Variants in FICD observed in about 807,000 individuals in gnomAD.
FICD encodes FIC domain protein adenylyltransferase.
In FICD, 13 loss-of-function variants were observed where a neutral mutation model predicts 28.0. The observed-to-expected ratio is 0.46, with a 90% CI of 0.30 to 0.74. The LOEUF (loss-of-function observed/expected upper bound fraction) is 0.74, where lower values mean the gene tolerates loss of function less well. FICD is among the 30% of genes least tolerant of loss of function. FICD has a pLI of 0.07. For missense variants in FICD, 576 were observed against 624.5 expected (o/e 0.92, Z 0.83); for synonymous variants, 268 against 266.4 (o/e 1.01, Z -0.06).
At position 108,518,750 on chromosome 12, in the gene FICD, G is replaced by T. The variant is rs372982792; in HGVS notation, c.652G>T (p.Val218Phe). 2 of 1,614,092 alleles carry T rather than the reference G, an allele frequency of 1.2e-6. No individual in the cohort carries two copies. The highest frequency in any genetic ancestry group is 2.7e-5 in the African/African-American group (2 of 74,922). Residue 218 changes from valine to phenylalanine, a missense_variant, in exon 3 of 3, where the codon GTC becomes TTC. By Grantham distance (50) the Val-to-Phe change is conservative. Transcript: ENST00000552695. This position sits in a 1 kb window ranked among gnomAD's most constrained non-coding sequence, Gnocchi z 4.4. ...IPKGNSALRR[V>F]MEETYYHHIY... is the part of the protein sequence containing the mutation. ...CAAGGGGAACTCAGCTCTGCGCAGG[G>T]TCATGGAGGAGACCTACTACCATCA...
At position 108,517,003 on chromosome 12, in the gene FICD, G is replaced by C; in HGVS notation, c.31G>C (p.Ala11Pro). The change falls in exon 2 of 3, where the codon GCG (alanine) becomes CCG (proline). Residue 11 changes from alanine (A) to proline (P), a missense_variant. Coordinates refer to ENST00000552695, the MANE Select transcript of FICD (RefSeq NM_007076.3). MMLIPMASVM[A>P]VTEPKWVSVW... Reference sequence around the variant, plus strand: ...GCTCATACCAATGGCTTCAGTGATGGCGGTGACTGAACCGAAATGGGTCTC... The same window carrying C: ...GCTCATACCAATGGCTTCAGTGATGCCGGTGACTGAACCGAAATGGGTCTC... 1 of 1,542,902 alleles carries C rather than the reference G, an allele frequency of 6.5e-7. No individual in the cohort carries two copies. Among genetic ancestry groups the C allele is most frequent in the Non-Finnish European group, 8.8e-7 (1 of 1,138,378 alleles).
At position 108,517,054 on chromosome 12, in the gene FICD, A is replaced by G. The variant is rs1359711725; in HGVS notation, c.82A>G (p.Thr28Ala). 1 of 1,596,140 alleles carries G rather than the reference A, an allele frequency of 6.3e-7. No individual in the cohort carries two copies. The highest frequency in any genetic ancestry group is 2.3e-5 in the East Asian group (1 of 44,340). Residue 28 changes from threonine (T) to alanine (A), a missense_variant, in exon 2 of 3, where the codon ACG (threonine) becomes GCG (alanine). By Grantham distance (58) the Thr-to-Ala change is moderately conservative. Coordinates refer to ENST00000552695, the MANE Select transcript of FICD (RefSeq NM_007076.3). ...GGTCTGGAGCCGCTTCCTCTGGGTG[A>G]CGCTGCTGAGCATGGTGCTGGGGTC... The part of the protein sequence containing the change: ...VSVWSRFLWV[T>A]LLSMVLGSLL...
chr12:108,517,673 GC>G (rs886660657), intron 2 of FICD, among the ~76,000 whole-genome samples: 1 of 152,164 alleles, frequency 6.6e-6, no homozygotes, highest in African/African-American at 2.4e-5. Flanking sequence ...TCCTCAGGTG[GC>G]CAAGAGGGGC....
In FICD at chr12:108,520,087, G is replaced by GGT. The variant is rs1555203675; in HGVS notation, c.*612_*613insGT. ...TTTGCAAACTTTAGTGCCAGCAGCT[G>GGT]TTTTTTTTTTTTTTTTTTTCATATT... is the stretch of plus-strand genomic sequence containing the variant. On this transcript the variant is annotated 3_prime_UTR_variant, in exon 3 of 3. Transcript: ENST00000552695. 1.8e-5 allele frequency: 2 copies of GGT among 114,166 alleles called. No individual in the cohort carries two copies. Among genetic ancestry groups the GGT allele is most frequent in the African/African-American group, 3.4e-5 (1 of 29,078 alleles). 7.1% of individuals were successfully genotyped at this position (114,166 alleles called of 1,614,324 possible).
chr12:108,517,182 T>C lies in FICD; in HGVS notation c.210T>C (p.His70=). The change falls in exon 2 of 3, where the codon CAT becomes CAC. Residue 70 remains histidine (H), a synonymous_variant. Transcript: ENST00000552695. ...GGAGCAAACCGGACAGGGCGCAGCA[T>C]GCCGCCACCAAGTGCACCAGCCCGT... The part of the protein sequence containing the change: ...LLRSKPDRAQ[H]AATKCTSPST... 6.3e-7 allele frequency: 1 copy of C among 1,597,370 alleles called. No homozygotes were observed. Among genetic ancestry groups the C allele is most frequent in the Non-Finnish European group, 8.5e-7 (1 of 1,171,122 alleles).
intron 1 of FICD, among the ~76,000 whole-genome samples, chr12:108,515,628 C>T (rs887119303): frequency 6.6e-6 from 1 of 152,134 alleles, no homozygotes; most frequent in East Asian, 1.9e-4. Flanking sequence ...CGCCCAGGAG[C>T]CTGTCCCCTC....
chr12:108,518,328 G>C lies in FICD; in HGVS notation c.302-72G>C. ...ATGGTTTCCTGCGGAGACCAGCACA[G>C]GGGACAGCCCCCCGAATGTCCTCTG... On this transcript the variant is annotated intron_variant, in intron 2 of 2. Coordinates refer to ENST00000552695, the MANE Select transcript of FICD (RefSeq NM_007076.3). This position sits in a 1 kb window ranked among gnomAD's most constrained non-coding sequence, Gnocchi z 4.4. 1 of 1,318,256 alleles carries C rather than the reference G, an allele frequency of 7.6e-7. No homozygotes were observed. 81.7% of individuals were successfully genotyped at this position (1,318,256 alleles called of 1,614,324 possible).
rs558824331 is a variant in FICD, at chr12:108,519,804, T to TC, written c.*329_*330insC. On this transcript the variant is annotated 3_prime_UTR_variant, in exon 3 of 3. Coordinates refer to ENST00000552695, the MANE Select transcript of FICD (RefSeq NM_007076.3). The surrounding 1 kb of genome is among the most constrained non-coding windows in gnomAD (Gnocchi z 4.5). The stretch of plus-strand genomic sequence containing the variant: ...TTCTGGAGCAGAATTTGCACTAAGG[T>TC]GGAGGAGCGGCCAAGAGGTGTGGGA... 1,276 of 208,178 alleles carry TC rather than the reference T, an allele frequency of 6.1e-3. 6 individuals are homozygous for TC. Among genetic ancestry groups the TC allele is most frequent in the Middle Eastern group, 0.015 (8 of 532 alleles). 12.9% of individuals were successfully genotyped at this position (208,178 alleles called of 1,614,324 possible).
chr12:108,516,227 G>A (rs929427686), intron 1 of FICD, among the ~76,000 whole-genome samples: 1 of 152,166 alleles, frequency 6.6e-6, no homozygotes, highest in East Asian at 1.9e-4. Flanking sequence ...TCTTGATGGG[G>A]TCCCTTCTGG....
At chr12:108,517,712 G>A (rs148255681) in intron 2 of FICD, among the ~76,000 whole-genome samples, 61 of 152,274 alleles carry the variant, frequency 4.0e-4, no homozygotes, top group African/African-American at 1.5e-3. Flanking sequence ...GGCTAGAGCA[G>A]GCTCCCCACC....
At chr12:108,517,931 C>T (rs1271714534) in intron 2 of FICD, among the ~76,000 whole-genome samples, 5 of 152,132 alleles carry the variant, frequency 3.3e-5, no homozygotes, top group African/African-American at 4.8e-5. Flanking sequence ...GGATGGTTGA[C>T]GCCCCCAGGG....
rs369745342 is a variant in FICD, at chr12:108,519,259, G to A, written c.1161G>A (p.Pro387=). ...TCATCCTCATGCAGGCGGGCTACCC[G>A]CCCATCACCATCCGCAAGGAGCAGC... ...MNLILMQAGY[P]PITIRKEQRS... The change falls in exon 3 of 3, where the codon CCG becomes CCA. Residue 387 remains proline, a synonymous_variant. Coordinates refer to ENST00000552695, the MANE Select transcript of FICD (RefSeq NM_007076.3). The surrounding 1 kb of genome is among the most constrained non-coding windows in gnomAD (Gnocchi z 4.5). 1.6e-5 allele frequency: 26 copies of A among 1,614,072 alleles called. No individual in the cohort carries two copies. The highest frequency in any genetic ancestry group is 4.5e-5 in the East Asian group (2 of 44,892).
At position 108,518,464 on chromosome 12, in the gene FICD, G is replaced by A. The variant is rs1295221453; in HGVS notation, c.366G>A (p.Arg122=). The change falls in exon 3 of 3, where the codon CGG becomes CGA. Residue 122 remains arginine (R), a synonymous_variant. Transcript: ENST00000552695. This position sits in a 1 kb window ranked among gnomAD's most constrained non-coding sequence, Gnocchi z 4.4. The part of the protein sequence containing the change: ...QALEMKRQGK[R]EKAQKLFMHA... Reference sequence around the variant, plus strand: ...TGGAGATGAAGCGCCAGGGCAAGCGGGAAAAAGCCCAAAAGCTCTTCATGC... The same window carrying A: ...TGGAGATGAAGCGCCAGGGCAAGCGAGAAAAAGCCCAAAAGCTCTTCATGC... The A allele has an allele frequency of 6.2e-7, 1 of 1,614,026 alleles. No individual in the cohort carries two copies. The highest frequency in any genetic ancestry group is 1.3e-5 in the African/African-American group (1 of 74,910).
intron 2 of FICD, 111 bp downstream of exon 2, chr12:108,517,384 A>G (rs1871942839): frequency 1.2e-6 from 1 of 853,464 alleles, no homozygotes; most frequent in Admixed American, 3.5e-5. Flanking sequence ...GTCAGCCCTG[A>G]GCTCCTAGTA....
rs987497455 is a variant in FICD, at chr12:108,520,836, T to C, written c.*1361T>C. The C allele has an allele frequency of 5.3e-5, 8 of 152,246 alleles. No individual in the cohort carries two copies. Among genetic ancestry groups the C allele is most frequent in the African/African-American group, 1.4e-4 (6 of 41,468 alleles). 9.4% of individuals were successfully genotyped at this position (152,246 alleles called of 1,614,324 possible). A position where few individuals can be genotyped will look rare whatever the true frequency, so the allele number is the denominator to read the frequency against. Reference sequence around the variant, plus strand: ...GTGATGGCGAATACGCAGTGTTGTCTCTTTGATTTGGTAATTCCGTTCCTG... The same window carrying C: ...GTGATGGCGAATACGCAGTGTTGTCCCTTTGATTTGGTAATTCCGTTCCTG... On this transcript the variant is annotated 3_prime_UTR_variant, in exon 3 of 3. Transcript: ENST00000552695.
intron 2 of FICD, among the ~76,000 whole-genome samples, chr12:108,517,802 C>T (rs1001684486): frequency 2.6e-5 from 4 of 152,116 alleles, no homozygotes; most frequent in Admixed American, 6.5e-5. Flanking sequence ...CATGAGATGC[C>T]TGTAGCACTC....
chr12:108,518,206 C>T lies in FICD; in HGVS notation c.302-194C>T. On this transcript the variant is annotated intron_variant, in intron 2 of 2. Coordinates refer to ENST00000552695, the MANE Select transcript of FICD (RefSeq NM_007076.3). This position sits in a 1 kb window ranked among gnomAD's most constrained non-coding sequence, Gnocchi z 4.4. ...ACACACGGATAGTGACTGCATACCA[C>T]CACACGGCTGGGGCAACAGAGTGGT... The T allele has an allele frequency of 1.4e-6, 1 of 704,396 alleles. No homozygotes were observed. Among genetic ancestry groups the T allele is most frequent in the Non-Finnish European group, 2.6e-6 (1 of 386,258 alleles). 43.6% of individuals were successfully genotyped at this position (704,396 alleles called of 1,614,324 possible).
intron 1 of FICD, among the ~76,000 whole-genome samples, chr12:108,516,021 G>A (rs1250489139): frequency 6.6e-6 from 1 of 152,188 alleles, no homozygotes; most frequent in Non-Finnish European, 1.5e-5. Context: ...GAGGCAATGC[G>A]TGGCCAGTAC....
In FICD at chr12:108,518,476, A is replaced by G. The variant is rs1871979589; in HGVS notation, c.378A>G (p.Gln126=). ...MKRQGKREKA[Q]KLFMHALKMD... is the part of the protein sequence containing the mutation. Reference sequence around the variant, plus strand: ...GCCAGGGCAAGCGGGAAAAAGCCCAAAAGCTCTTCATGCACGCCCTCAAGA... The same window carrying G: ...GCCAGGGCAAGCGGGAAAAAGCCCAGAAGCTCTTCATGCACGCCCTCAAGA... Residue 126 remains glutamine (Q), a synonymous_variant, in exon 3 of 3, where the codon CAA becomes CAG. Transcript: ENST00000552695. This position sits in a 1 kb window ranked among gnomAD's most constrained non-coding sequence, Gnocchi z 4.4. 1 of 1,614,044 alleles carries G rather than the reference A, an allele frequency of 6.2e-7. No homozygotes were observed. Among genetic ancestry groups the G allele is most frequent in the African/African-American group, 1.3e-5 (1 of 74,912 alleles).
Sources: gnomAD v4.1 joint callset for allele counts (sites outside exome capture counted in the v4.1 genomes callset) on GRCh38, gnomAD v4.1.1 for gene constraint, Gnocchi (gnomAD v3.1) non-coding constraint, MANE v1.5 for transcripts, NCBI Gene and HGNC (gene_info 2026-07-23, HGNC 2026-07-21) for gene names.